MAEA: variants seen among roughly 807,000 people sequenced by gnomAD.
The protein encoded by MAEA is macrophage erythroblast attacher, E3 ubiquitin ligase, also known as E3 ubiquitin-protein transferase MAEA.
Under a neutral mutation model 46.2 loss-of-function variants are expected in MAEA, and 22 were observed. That is an observed-to-expected ratio of 0.48 (90% CI 0.34 to 0.68). The LOEUF is 0.68. MAEA is among the 30% of genes least tolerant of loss of function. MAEA has a pLI of 0.01. For synonymous variants in MAEA, 246 were observed against 222.6 expected, an observed-to-expected ratio of 1.11 and a Z score of -0.94; for missense variants, 393 against 558.1, an observed-to-expected ratio of 0.70 and a Z score of 2.98.
At chr4:1,298,051 G>A (rs1371917380) in intron 1 of MAEA, 1 of 456,260 alleles carries the variant, frequency 2.2e-6, no homozygotes, top group African/African-American at 2.0e-5. Flanking sequence ...GCCTGGAGTG[G>A]GTGTCGAGTA....
intron 1 of MAEA, among the ~76,000 whole-genome samples, chr4:1,308,517 G>A (rs1246754726): frequency 1.3e-5 from 2 of 152,206 alleles, no homozygotes; most frequent in Admixed American, 1.3e-4. Flanking sequence ...TGCTCTACAC[G>A]CTGCGCCGGG....
At chr4:1,331,524 C>G (rs1259886315) in intron 5 of MAEA, 1 of 152,574 alleles carries the variant, frequency 6.6e-6, no homozygotes, top group Non-Finnish European at 1.5e-5. Flanking sequence ...GCATCTTCTC[C>G]AAGGCCACCG....
At chr4:1,320,961 G>A (rs894724791) in intron 3 of MAEA, among the ~76,000 whole-genome samples, 7 of 152,154 alleles carry the variant, frequency 4.6e-5, no homozygotes, top group Admixed American at 6.5e-5. Context: ...TTAGCCGGGC[G>A]TGGTGGCAGG....
At chr4:1,309,733 C>T (rs964017487) in intron 1 of MAEA, 1 of 1,513,706 alleles carries the variant, frequency 6.6e-7, no homozygotes, top group Non-Finnish European at 8.8e-7. Flanking sequence ...CCCCGGCCTC[C>T]TTCATGCCTG....
chr4:1,338,306 G>C, intron 7 of MAEA, 116 bp from the exon 8 acceptor site: 1 of 772,470 alleles, frequency 1.3e-6, no homozygotes, highest in African/African-American at 1.7e-5. Context: ...CGTGTAGTCA[G>C]CATGGCGCCC....
intron 1 of MAEA, chr4:1,299,936 A>C: frequency 6.6e-6 from 1 of 152,206 alleles, no homozygotes. Context: ...CTTTTGAAGG[A>C]TAGAGAAGAA....
At chr4:1,304,246 A>G (rs1735618631) in intron 1 of MAEA, among the ~76,000 whole-genome samples, 1 of 152,106 alleles carries the variant, frequency 6.6e-6, no homozygotes, top group Non-Finnish European at 1.5e-5. Context: ...AAGGTTTAGT[A>G]CAAAGAGGGT....
intron 5 of MAEA, 31 bp from the exon 6 acceptor site, chr4:1,332,726 A>G (rs897018840): frequency 6.4e-7 from 1 of 1,572,476 alleles, no homozygotes; most frequent in Non-Finnish European, 8.7e-7. Context: ...TTAAAACGCA[A>G]ACTTAAATGT....
At chr4:1,308,619 C>G (rs150575106) in intron 1 of MAEA, among the ~76,000 whole-genome samples, 168 of 152,342 alleles carry the variant, frequency 1.1e-3, no homozygotes, top group Non-Finnish European at 2.2e-3. Flanking sequence ...CTAACGGGCA[C>G]GAGGTGATGC....
rs1713213434 is a variant in MAEA at position 1,339,234 on chromosome 4, TCCTGTCC to T, written c.*67_*73del. The T allele has an allele frequency of 5.8e-6, 7 of 1,208,058 alleles. No homozygotes were observed. The highest frequency in any genetic ancestry group is 8.6e-6 in the Non-Finnish European group (7 of 811,712). 74.8% of individuals were successfully genotyped at this position (1,208,058 alleles called of 1,614,324 possible). ...AGTGGGCGGGGAGGCCACGCCTTCC[TCCTGTCC>T]CACGCTCCAGCCTGCCGCGGCGTTT... On this transcript the variant is annotated 3_prime_UTR_variant, in exon 9 of 9. Coordinates refer to ENST00000303400, the MANE Select transcript of MAEA (RefSeq NM_001017405.3).
Position 1,315,378 on chromosome 4 carries a change from T to C in MAEA, c.253-19T>C, listed in dbSNP as rs1249898035. ...GGGGCATCCCTGTCCTGAACGTGCCTCTGTTGTGTGTGGCTCAGGCGGTGG... is the reference window on the plus strand; with the variant it reads ...GGGGCATCCCTGTCCTGAACGTGCCCCTGTTGTGTGTGGCTCAGGCGGTGG... On this transcript the variant is annotated intron_variant, in intron 2 of 8. Transcript: ENST00000303400. 5 of 1,613,124 alleles carry C rather than the reference T, an allele frequency of 3.1e-6. No individual in the cohort carries two copies. The South Asian group carries it at 4.4e-5, about 14-fold the overall frequency.
intron 3 of MAEA, among the ~76,000 whole-genome samples, chr4:1,317,885 C>A (rs1465875226): frequency 1.3e-5 from 2 of 152,202 alleles, no homozygotes; most frequent in African/African-American, 2.4e-5. Context: ...ACCCAACATT[C>A]TCATCGCTGG....
intron 4 of MAEA, among the ~76,000 whole-genome samples, chr4:1,327,208 C>T (rs1005265865): frequency 3.3e-5 from 5 of 152,240 alleles, no homozygotes; most frequent in East Asian, 1.9e-4. Context: ...TCCAGAGGCC[C>T]GGTGGGAGTG....
intron 3 of MAEA, among the ~76,000 whole-genome samples, chr4:1,320,115 A>G (rs1737848918): frequency 6.6e-6 from 1 of 151,172 alleles, no homozygotes; most frequent in Non-Finnish European, 1.5e-5. Flanking sequence ...CATGCAAGAA[A>G]ACGCTATGAA....
At chr4:1,319,090 A>G (rs1294149548) in intron 3 of MAEA, among the ~76,000 whole-genome samples, 2 of 152,292 alleles carry the variant, frequency 1.3e-5, no homozygotes, top group African/African-American at 4.8e-5. Context: ...AGGGCTCTCA[A>G]CCCGTAATCC....
chr4:1,321,471 AATC>A (rs956746062), intron 3 of MAEA, among the ~76,000 whole-genome samples: 102 of 152,360 alleles, frequency 6.7e-4, no homozygotes, highest in African/African-American at 2.4e-3. Context: ...AGAAACAAGA[AATC>A]ATGAAAGAAA....
At chr4:1,308,735 C>T (rs1019852201) in intron 1 of MAEA, among the ~76,000 whole-genome samples, 1 of 152,234 alleles carries the variant, frequency 6.6e-6, no homozygotes, top group Non-Finnish European at 1.5e-5. Flanking sequence ...TGTCTAAGTC[C>T]TTCACCCATT....
chr4:1,335,743 A>G (rs1712675683), intron 6 of MAEA: 1 of 985,336 alleles, frequency 1.0e-6, no homozygotes, highest in African/African-American at 1.7e-5. Context: ...GAAATCACAG[A>G]GTTAAGTCAA....
intron 1 of MAEA, among the ~76,000 whole-genome samples, chr4:1,304,479 C>T (rs113575076): frequency 0.063 from 9,525 of 152,112 alleles, 945 homozygotes; most frequent in African/African-American, 0.21. Flanking sequence ...CTCGCACTGT[C>T]GCCCAGGCTG....
Sources: allele counts gnomAD v4.1 joint callset (sites outside exome capture counted in the v4.1 genomes callset), GRCh38; gene constraint gnomAD v4.1.1; transcripts MANE v1.5; gene names NCBI Gene and HGNC (gene_info 2026-07-23, HGNC 2026-07-21).